Variants in PLCE1 observed in about 807,000 individuals in gnomAD.
PLCE1 encodes the protein phospholipase C epsilon 1, also known as 1-phosphatidylinositol 4,5-bisphosphate phosphodiesterase epsilon-1.
PLCE1 carries 119 observed loss-of-function variants against 242.8 expected under a neutral mutation model. The observed-to-expected ratio is 0.49, with a 90% CI of 0.42 to 0.57. PLCE1 has a LOEUF of 0.57. Ranked by LOEUF, PLCE1 falls within the 20% of genes least tolerant of loss-of-function variation. The pLI is 0.00. For missense variants in PLCE1, 2,441 were observed against 2,788.8 expected (o/e 0.88, Z 2.81); for synonymous variants, 945 against 1,017.4 (o/e 0.93, Z 1.35).
intron 13 of PLCE1, among the ~76,000 whole-genome samples, chr10:94,259,760 A>C (rs1169993228): frequency 6.6e-6 from 1 of 152,116 alleles, no homozygotes; most frequent in Non-Finnish European, 1.5e-5. Context: ...GTCCATTTTC[A>C]TGCTGCTGAT....
chr10:94,290,690 TAAAAA>T (rs969405461), intron 22 of PLCE1, among the ~76,000 whole-genome samples: 1 of 150,864 alleles, frequency 6.6e-6, no homozygotes, highest in Admixed American at 6.6e-5. Flanking sequence ...ATATGTAACT[TAAAAA>T]AAAGTATATA....
chr10:94,307,735 C>G (rs1338483367), intron 26 of PLCE1, among the ~76,000 whole-genome samples: 1 of 152,154 alleles, frequency 6.6e-6, no homozygotes. Context: ...TTAAGGCCCA[C>G]CCTAAGGACC....
intron 13 of PLCE1, among the ~76,000 whole-genome samples, chr10:94,260,979 T>C (rs1441000003): frequency 6.6e-6 from 1 of 152,228 alleles, no homozygotes; most frequent in Non-Finnish European, 1.5e-5. Flanking sequence ...ATTGAGTTAA[T>C]ATTGATATAT....
intron 1 of PLCE1, among the ~76,000 whole-genome samples, chr10:94,007,576 T>TC (rs1491168291): frequency 7.4e-4 from 20 of 26,856 alleles, no homozygotes; most frequent in East Asian, 6.3e-3. Context: ...TCTCTCTCTC[T>TC]TTTTTTTTTT....
intron 2 of PLCE1, among the ~76,000 whole-genome samples, chr10:94,062,499 AT>A (rs2044079601): frequency 6.6e-6 from 1 of 151,384 alleles, no homozygotes; most frequent in Admixed American, 6.6e-5. Flanking sequence ...TTAAATGAGA[AT>A]TTGCAGAGCA....
intron 4 of PLCE1, among the ~76,000 whole-genome samples, chr10:94,204,970 TA>T (rs1270340435): frequency 1.3e-5 from 2 of 152,180 alleles, no homozygotes; most frequent in Non-Finnish European, 2.9e-5. Context: ...GGAGCTAAAG[TA>T]ATCCAGTTCA....
chr10:94,130,398 G>C (rs560258881), intron 2 of PLCE1, among the ~76,000 whole-genome samples: 4 of 152,170 alleles, frequency 2.6e-5, no homozygotes, highest in Non-Finnish European at 4.4e-5. Context: ...CAACAGTAAA[G>C]AGCATCATTT....
intron 4 of PLCE1, among the ~76,000 whole-genome samples, chr10:94,173,653 G>A (rs997214191): frequency 2.0e-5 from 3 of 152,254 alleles, no homozygotes; most frequent in Admixed American, 2.0e-4. Flanking sequence ...AATCAAAGAC[G>A]AATCAGTGAT....
chr10:94,002,692 G>A (rs938539010), intron 1 of PLCE1, among the ~76,000 whole-genome samples: 34 of 152,292 alleles, frequency 2.2e-4, no homozygotes, highest in African/African-American at 7.7e-4. Context: ...AAGGGTCCAA[G>A]CTTGGCCCTC....
chr10:94,295,750 T>G (rs776023507), intron 23 of PLCE1, among the ~76,000 whole-genome samples: 1 of 152,198 alleles, frequency 6.6e-6, no homozygotes, highest in Non-Finnish European at 1.5e-5. Context: ...TTCAAATTAC[T>G]CCTTGTTCAT....
chr10:94,226,765 C>T (rs2049952303), intron 4 of PLCE1, among the ~76,000 whole-genome samples: 1 of 148,708 alleles, frequency 6.7e-6, no homozygotes, highest in South Asian at 2.1e-4. Context: ...TATGAATTGC[C>T]TTTTTCAGCC....
chr10:94,275,767 C>T (rs1031559977), intron 19 of PLCE1, among the ~76,000 whole-genome samples: 3 of 151,942 alleles, frequency 2.0e-5, no homozygotes, highest in African/African-American at 7.3e-5. Context: ...GCCTGGGAGG[C>T]CAAGGCTGCA....
intron 1 of PLCE1, among the ~76,000 whole-genome samples, chr10:94,002,110 G>GA (rs11300442): frequency 0.044 from 6,289 of 143,298 alleles, 409 homozygotes; most frequent in African/African-American, 0.15. Flanking sequence ...AGGTAGTTGT[G>GA]AAAAAAAAAA....
intron 11 of PLCE1, among the ~76,000 whole-genome samples, chr10:94,257,801 TA>T (rs2051154014): frequency 6.6e-6 from 1 of 152,082 alleles, no homozygotes; most frequent in South Asian, 2.1e-4. Context: ...GGGATAGCAT[TA>T]GGAGATATAC....
chr10:94,291,614 T>A (rs1268392784), intron 22 of PLCE1, among the ~76,000 whole-genome samples: 3 of 152,084 alleles, frequency 2.0e-5, no homozygotes, highest in Non-Finnish European at 2.9e-5. Context: ...ACTTAAAGGA[T>A]TGCTGTAAAA....
intron 28 of PLCE1, among the ~76,000 whole-genome samples, chr10:94,314,204 A>G (rs1046485825): frequency 1.3e-5 from 2 of 152,224 alleles, no homozygotes; most frequent in African/African-American, 4.8e-5. Context: ...GGCAGGGCCC[A>G]TGCGTAATTC....
chr10:94,163,478 C>G (rs1276179434), intron 3 of PLCE1, among the ~76,000 whole-genome samples: 1 of 152,120 alleles, frequency 6.6e-6, no homozygotes, highest in African/African-American at 2.4e-5. Flanking sequence ...AGGATTGCAA[C>G]CCCTGCCTTT....
chr10:94,070,334 C>T (rs1388392921), intron 2 of PLCE1, among the ~76,000 whole-genome samples: 1 of 152,098 alleles, frequency 6.6e-6, no homozygotes, highest in Admixed American at 6.6e-5. Flanking sequence ...TTTATCCTTG[C>T]CCCCCAACAA....
At chr10:94,327,447 T>C (rs1456936735) in intron 32 of PLCE1, among the ~76,000 whole-genome samples, 1 of 150,750 alleles carries the variant, frequency 6.6e-6, no homozygotes, top group Non-Finnish European at 1.5e-5. Flanking sequence ...AATATAAAAA[T>C]TCCTGTAGTC....
Sources: allele counts gnomAD v4.1 joint callset (sites outside exome capture counted in the v4.1 genomes callset), GRCh38; gene constraint gnomAD v4.1.1; transcripts MANE v1.5; gene names NCBI Gene and HGNC (gene_info 2026-07-23, HGNC 2026-07-21).